The following EEF1G variants were observed in gnomAD, a reference collection of about 807,000 sequenced individuals.
EEF1G encodes eukaryotic translation elongation factor 1 gamma.
A neutral mutation model predicts 58.3 loss-of-function variants in EEF1G; 14 were observed. The ratio of observed to expected loss-of-function variants is 0.24; its 90% CI spans 0.16 to 0.38. The LOEUF is 0.38. EEF1G is among the 10% of genes least tolerant of loss of function. EEF1G has a pLI of 1.00. For missense variants in EEF1G, 322 were observed against 550.1 expected, an observed-to-expected ratio of 0.59 and a Z score of 4.15; for synonymous variants, 180 against 206.8, an observed-to-expected ratio of 0.87 and a Z score of 1.11.
chr11:62,568,387 CAAAAAAAAAAAA>C (rs56838630), intron 5 of EEF1G, among the ~76,000 whole-genome samples: 2 of 60,162 alleles, frequency 3.3e-5, no homozygotes, highest in African/African-American at 1.3e-4. Flanking sequence ...GACTCTGTCT[CAAAAAAAAAAAA>C]AAAAAAAAAA....
intron 5 of EEF1G, among the ~76,000 whole-genome samples, chr11:62,570,046 CA>C (rs1941607469): frequency 6.6e-6 from 1 of 151,244 alleles, no homozygotes; most frequent in African/African-American, 2.4e-5. Flanking sequence ...TATCTGTCTC[CA>C]AAAGAGCTTA....
chr11:62,570,004 T>C (rs758141067), intron 5 of EEF1G, among the ~76,000 whole-genome samples: 13 of 152,028 alleles, frequency 8.6e-5, no homozygotes, highest in African/African-American at 2.7e-4. Flanking sequence ...CTTACCTACA[T>C]TGGTAAACAA....
chr11:62,571,156 CCCTCA>C, intron 4 of EEF1G, 48 bp from the exon 5 acceptor site: 2 of 1,612,500 alleles, frequency 1.2e-6, no homozygotes, highest in Non-Finnish European at 1.7e-6. Flanking sequence ...CAATCCCTTT[CCCTCA>C]CCTCCCCCAT....
intron 5 of EEF1G, among the ~76,000 whole-genome samples, chr11:62,570,099 T>TC (rs930590163): frequency 6.6e-6 from 1 of 151,532 alleles, no homozygotes; most frequent in African/African-American, 2.4e-5. Flanking sequence ...CTCGCTCTTG[T>TC]CCCCCAGGCT....
intron 4 of EEF1G, among the ~76,000 whole-genome samples, 169 bp from the exon 5 acceptor site, chr11:62,571,277 A>G (rs1021896779): frequency 8.5e-5 from 13 of 152,258 alleles, no homozygotes; most frequent in African/African-American, 2.9e-4. Context: ...ACAAACAATG[A>G]ACTTCAGAGG....
In EEF1G at chr11:62,573,698, A is replaced by C. The variant is rs769136878; in HGVS notation, c.12+133T>G. On this transcript the variant is annotated intron_variant, in intron 1 of 9. Transcript: ENST00000329251. ...CCAGGCCCTAGGAACCCTACTCTCC[A>C]GCAGTACAGTCTGTAGACCCCCGAA... The C allele has an allele frequency of 5.9e-5, 77 of 1,300,148 alleles. 1 individual carries two copies. The South Asian group carries it at 7.7e-4, about 13-fold the overall frequency. The allele number at this position is 1,300,148 out of a possible 1,614,324, so 80.5% of individuals were successfully genotyped here. A position where few individuals can be genotyped will look rare whatever the true frequency, so the allele number is the denominator to read the frequency against.
rs201889192 is a variant in EEF1G at position 62,573,876 on chromosome 11, G to A, written c.-34C>T. The A allele has an allele frequency of 1.9e-6, 3 of 1,613,450 alleles. No homozygotes were observed. The highest frequency in any genetic ancestry group is 2.5e-6 in the Non-Finnish European group (3 of 1,179,876). ...CGCAAAGAAAGGGGGTGGGGTTCTC[G>A]GCGCTGCCGCAAAGTAAGCCGCCCG... On this transcript the variant is annotated 5_prime_UTR_variant, in exon 1 of 10. Transcript: ENST00000329251.
chr11:62,571,997 G>A (rs1053485492), intron 2 of EEF1G, 96 bp from the exon 3 acceptor site: 1 of 1,039,906 alleles, frequency 9.6e-7, no homozygotes, highest in Admixed American at 2.0e-5. Flanking sequence ...CTTATATAAG[G>A]CTGATGATTC....
At chr11:62,562,276 G>A (rs546789952) in intron 7 of EEF1G, among the ~76,000 whole-genome samples, 2 of 152,180 alleles carry the variant, frequency 1.3e-5, no homozygotes, top group African/African-American at 4.8e-5. Context: ...CCTTCCTCAG[G>A]GCCGAGAGAT....
At chr11:62,573,437 T>C in intron 1 of EEF1G, 1 of 287,538 alleles carries the variant, frequency 3.5e-6, no homozygotes, top group Non-Finnish European at 6.7e-6. Flanking sequence ...AGAGACGACC[T>C]TTAACCGTGC....
At chr11:62,565,675 T>C (rs1941547391) in intron 7 of EEF1G, among the ~76,000 whole-genome samples, 1 of 152,216 alleles carries the variant, frequency 6.6e-6, no homozygotes, top group Non-Finnish European at 1.5e-5. Context: ...CTGCTCACTC[T>C]TGACCTGCAC....
intron 7 of EEF1G, among the ~76,000 whole-genome samples, chr11:62,560,697 C>T (rs1565259586): frequency 6.6e-6 from 1 of 152,100 alleles, no homozygotes; most frequent in African/African-American, 2.4e-5. Flanking sequence ...TGAGACCTGC[C>T]CCAGGAAGGG....
intron 5 of EEF1G, among the ~76,000 whole-genome samples, chr11:62,568,411 AT>A (rs940936868): frequency 1.8e-4 from 20 of 113,400 alleles, no homozygotes; most frequent in Admixed American, 6.2e-4. Context: ...AAAAAAAAAA[AT>A]TTTAATAGAG....
chr11:62,561,683 A>AAAC (rs1941497358), intron 7 of EEF1G, among the ~76,000 whole-genome samples: 2 of 6,936 alleles, frequency 2.9e-4, no homozygotes, highest in Non-Finnish European at 7.0e-4. Flanking sequence ...AAAAAAAAAC[A>AAAC]AAAAAAAAAA....
intron 7 of EEF1G, among the ~76,000 whole-genome samples, chr11:62,561,688 A>AAAAAAAAAC (rs1590706705): frequency 1.4e-5 from 2 of 140,430 alleles, no homozygotes; most frequent in Non-Finnish European, 3.2e-5. Flanking sequence ...AAAACAAAAA[A>AAAAAAAAAC]AAAAAAAACA....
At chr11:62,564,547 G>A (rs1484750592) in intron 7 of EEF1G, among the ~76,000 whole-genome samples, 1 of 151,532 alleles carries the variant, frequency 6.6e-6, no homozygotes, top group Non-Finnish European at 1.5e-5. Context: ...CGGATCACGA[G>A]GTCAGGAGTT....
chr11:62,562,731 G>A (rs1265504199), intron 7 of EEF1G, among the ~76,000 whole-genome samples: 2 of 151,888 alleles, frequency 1.3e-5, no homozygotes, highest in African/African-American at 2.4e-5. Context: ...CGCCCGCCTC[G>A]GCCTCCCAAA....
rs193123757 is a variant in EEF1G at position 62,565,557 on chromosome 11, G to A, written c.857+1249C>T. ...TCATTTATTTCCTGCCCAGAGTACTGACCTACTATATGTGAAAATCTCTAG... is the reference window on the plus strand; with the variant it reads ...TCATTTATTTCCTGCCCAGAGTACTAACCTACTATATGTGAAAATCTCTAG... On this transcript the variant is annotated intron_variant, in intron 7 of 9. Coordinates refer to ENST00000329251, the MANE Select transcript of EEF1G (RefSeq NM_001404.5). Among the ~76,000 whole-genome samples, 6 of 152,184 alleles carry A rather than the reference G, an allele frequency of 3.9e-5. No homozygotes were observed. In the East Asian group the frequency reaches 9.7e-4, roughly 24 times the overall value.
intron 7 of EEF1G, among the ~76,000 whole-genome samples, chr11:62,564,412 C>T (rs1369407962): frequency 3.4e-5 from 5 of 145,154 alleles, no homozygotes; most frequent in Non-Finnish European, 6.0e-5. Context: ...TGCAGTAAGC[C>T]GAGATCACAC....
Sources: gnomAD v4.1 joint callset for allele counts (sites outside exome capture counted in the v4.1 genomes callset) on GRCh38, gnomAD v4.1.1 for gene constraint, MANE v1.5 for transcripts, NCBI Gene and HGNC (gene_info 2026-07-23, HGNC 2026-07-21) for gene names.